Variants in SNAP29 observed in about 807,000 individuals in gnomAD.
SNAP29 encodes synaptosomal-associated protein 29.
Under a neutral mutation model 27.9 loss-of-function variants are expected in SNAP29, and 13 were observed. The ratio of observed to expected loss-of-function variants is 0.47; its 90% CI spans 0.30 to 0.74. SNAP29 has a LOEUF of 0.74. Ranked by LOEUF, SNAP29 falls within the 30% of genes least tolerant of loss-of-function variation. The probability of loss-of-function intolerance (pLI) is 0.06; values close to 1 mark genes in which losing one functional copy is unlikely to be tolerated. For missense variants in SNAP29, 368 were observed against 336.5 expected, an observed-to-expected ratio of 1.09 and a Z score of -0.73; for synonymous variants, 119 against 127.1, an observed-to-expected ratio of 0.94 and a Z score of 0.43.
chr22:20,877,556 A>G (rs1928777985), intron 2 of SNAP29, among the ~76,000 whole-genome samples: 1 of 146,992 alleles, frequency 6.8e-6, no homozygotes. Context: ...AACTCCCTCT[A>G]AAAAAAAAAA....
Position 20,870,481 on chromosome 22 carries a change from G to A in SNAP29, c.382G>A (p.Val128Ile). Residue 128 changes from valine (V) to isoleucine (I), a missense_variant, in exon 2 of 5, where the codon GTA (valine) becomes ATA (isoleucine). Transcript: ENST00000215730. The stretch of plus-strand genomic sequence containing the variant: ...GGTCAATTACTTCAAATCCAAACCA[G>A]TAGAGACCCCACCTGAACAGAATGG... Reference protein sequence around the residue: ...GLVNYFKSKPVETPPEQNGTL... With the variant: ...GLVNYFKSKPIETPPEQNGTL... The A allele has an allele frequency of 6.2e-7, 1 of 1,614,172 alleles. No individual in the cohort carries two copies. Among genetic ancestry groups the A allele is most frequent in the Non-Finnish European group, 8.5e-7 (1 of 1,180,032 alleles).
At position 20,884,319 on chromosome 22, in the gene SNAP29, C is replaced by T. The variant is rs9613193; in HGVS notation, c.619+750C>T. Among the ~76,000 whole-genome samples the T allele has an allele frequency of 6.7e-5, 10 of 148,858 alleles. No individual in the cohort carries two copies. The South Asian group carries it at 1.1e-3, about 16-fold the overall frequency. ...TGCACTCCAACCTGGGCAACAAGAG[C>T]GAAACTCCACCTAAAAAAAAAAAAA... On this transcript the variant is annotated intron_variant, in intron 4 of 4. Coordinates refer to ENST00000215730, the MANE Select transcript of SNAP29 (RefSeq NM_004782.4).
At chr22:20,877,757 G>C (rs1928783377) in intron 2 of SNAP29, among the ~76,000 whole-genome samples, 1 of 152,134 alleles carries the variant, frequency 6.6e-6, no homozygotes, top group South Asian at 2.1e-4. Flanking sequence ...TTGTGGGGGA[G>C]CCATTTTTCA....
chr22:20,882,972 T>C (rs960697799), intron 3 of SNAP29, among the ~76,000 whole-genome samples: 3 of 150,202 alleles, frequency 2.0e-5, no homozygotes, highest in African/African-American at 7.4e-5. Flanking sequence ...AGATTTCTTG[T>C]GGCAAATGTG....
intron 2 of SNAP29, 70 bp downstream of exon 2, chr22:20,870,603 TC>T: frequency 7.4e-7 from 1 of 1,354,830 alleles, no homozygotes; most frequent in Non-Finnish European, 1.0e-6. Flanking sequence ...ACCAAGACTT[TC>T]AGTCCACGTC....
chr22:20,878,550 C>A (rs558792462), intron 2 of SNAP29, among the ~76,000 whole-genome samples: 1 of 152,048 alleles, frequency 6.6e-6, no homozygotes, highest in African/African-American at 2.4e-5. Flanking sequence ...TGCACTCCAG[C>A]CTGGGTGACA....
chr22:20,880,604 GT>G (rs1928867583), intron 2 of SNAP29, among the ~76,000 whole-genome samples: 1 of 152,138 alleles, frequency 6.6e-6, no homozygotes, highest in Non-Finnish European at 1.5e-5. Flanking sequence ...TAAAGTACCG[GT>G]TTGGTTGTTC....
chr22:20,887,549 C>G, intron 4 of SNAP29, 130 bp from the exon 5 acceptor site: 1 of 930,150 alleles, frequency 1.1e-6, no homozygotes, highest in Non-Finnish European at 1.8e-6. Context: ...CAAGACTCAT[C>G]TCTGCAGTGG....
At position 20,859,029 on chromosome 22, in the gene SNAP29, C is replaced by T. The variant is rs571443845; in HGVS notation, c.-82C>T. 80 of 1,391,458 alleles carry T rather than the reference C, an allele frequency of 5.7e-5. 1 individual carries two copies. In the African/African-American group the frequency reaches 8.0e-4, roughly 14 times the overall value. The allele number at this position is 1,391,458 out of a possible 1,614,324, so 86.2% of individuals were successfully genotyped here. A position where few individuals can be genotyped will look rare whatever the true frequency, so the allele number is the denominator to read the frequency against. On this transcript the variant is annotated 5_prime_UTR_variant, in exon 1 of 5. Coordinates refer to ENST00000215730, the MANE Select transcript of SNAP29 (RefSeq NM_004782.4). ...GGAGTTCGCGCGACGACCGCGGGGT[C>T]GGCGGGCGGGGCGAGGCCCTGGACG...
At chr22:20,874,462 C>T (rs1331857403) in intron 2 of SNAP29, among the ~76,000 whole-genome samples, 7 of 150,858 alleles carry the variant, frequency 4.6e-5, no homozygotes, top group Admixed American at 2.7e-4. Context: ...GAGGTGGACC[C>T]GACCTTTTGG....
At position 20,870,399 on chromosome 22, in the gene SNAP29, A is replaced by C. The variant is rs750610740; in HGVS notation, c.300A>C (p.Gln100His). ...AGAAGATGGTGGACAAGATGGACCAAGATTTGAAGATCAGCCAGAAACACA... is the reference window on the plus strand; with the variant it reads ...AGAAGATGGTGGACAAGATGGACCACGATTTGAAGATCAGCCAGAAACACA... ...RTEKMVDKMDQDLKISQKHIN... is the reference protein window; with the variant it reads ...RTEKMVDKMDHDLKISQKHIN... Residue 100 changes from glutamine (Q) to histidine (H), a missense_variant, in exon 2 of 5, where the codon CAA (glutamine) becomes CAC (histidine). Coordinates refer to ENST00000215730, the MANE Select transcript of SNAP29 (RefSeq NM_004782.4). 3 of 1,614,054 alleles carry C rather than the reference A, an allele frequency of 1.9e-6. No homozygotes were observed. Among genetic ancestry groups the C allele is most frequent in the African/African-American group, 1.3e-5 (1 of 74,924 alleles).
intron 1 of SNAP29, among the ~76,000 whole-genome samples, chr22:20,865,235 G>A (rs1477213088): frequency 2.0e-5 from 3 of 152,036 alleles, no homozygotes; most frequent in East Asian, 3.9e-4. Context: ...CATGCCTGTA[G>A]TTCCAGCTAC....
chr22:20,887,468 TACAC>T (rs3041344), intron 4 of SNAP29, among the ~76,000 whole-genome samples: 2 of 149,296 alleles, frequency 1.3e-5, no homozygotes, highest in Non-Finnish European at 3.0e-5. Flanking sequence ...CACACACACA[TACAC>T]ACACACACAC....
At chr22:20,880,715 A>G (rs1380379603) in intron 2 of SNAP29, among the ~76,000 whole-genome samples, 1 of 151,740 alleles carries the variant, frequency 6.6e-6, no homozygotes, top group African/African-American at 2.4e-5. Flanking sequence ...TTTTTTCAGT[A>G]AAGACAAGGT....
intron 2 of SNAP29, among the ~76,000 whole-genome samples, chr22:20,879,629 T>C (rs1928842435): frequency 6.6e-6 from 1 of 151,984 alleles, no homozygotes; most frequent in Admixed American, 6.6e-5. Flanking sequence ...GCGGATCACC[T>C]GAGGTCAGGA....
At chr22:20,870,738 T>C in intron 2 of SNAP29, 1 of 632,008 alleles carries the variant, frequency 1.6e-6, no homozygotes, top group Non-Finnish European at 2.8e-6. Context: ...ATCTAGTCTG[T>C]CAATAGCTTC....
Position 20,883,467 on chromosome 22 carries a change from T to C in SNAP29, c.521-4T>C, listed in dbSNP as rs1928936019. 28 of 1,598,660 alleles carry C rather than the reference T, an allele frequency of 1.8e-5. No individual in the cohort carries two copies. The highest frequency in any genetic ancestry group is 2.4e-5 in the Non-Finnish European group (28 of 1,166,264). On this transcript the variant is annotated splice_polypyrimidine_tract_variant and splice_region_variant and intron_variant, in intron 3 of 4. Transcript: ENST00000215730. ...GCTCTCCTGGTGTTTCCTTCTAAACTTAGACCCTGTCCCCAGAGGGGCTGG... is the reference window on the plus strand; with the variant it reads ...GCTCTCCTGGTGTTTCCTTCTAAACCTAGACCCTGTCCCCAGAGGGGCTGG...
intron 2 of SNAP29, among the ~76,000 whole-genome samples, chr22:20,872,820 CTTTTTTTTT>C (rs361677): frequency 7.5e-4 from 30 of 39,866 alleles, no homozygotes; most frequent in African/African-American, 2.9e-3. Context: ...CCACGCCAGG[CTTTTTTTTT>C]TTTTTTTTTT....
intron 2 of SNAP29, among the ~76,000 whole-genome samples, chr22:20,876,075 G>C (rs1470666406): frequency 1.3e-5 from 2 of 151,426 alleles, no homozygotes; most frequent in South Asian, 2.1e-4. Context: ...GCAGGAGAAT[G>C]GCATGAACCC....
Sources: gnomAD v4.1 joint callset for allele counts (sites outside exome capture counted in the v4.1 genomes callset) on GRCh38, gnomAD v4.1.1 for gene constraint, MANE v1.5 for transcripts, NCBI Gene and HGNC (gene_info 2026-07-23, HGNC 2026-07-21) for gene names.